The following UBE2J2 variants were observed in gnomAD, a reference collection of about 807,000 sequenced individuals.
The protein encoded by UBE2J2 is ubiquitin-conjugating enzyme E2 J2.
UBE2J2 carries 5 observed loss-of-function variants against 28.6 expected under a neutral mutation model. That is an observed-to-expected ratio of 0.17 (90% confidence interval 0.09 to 0.37). The LOEUF is 0.37. UBE2J2 is among the 10% of genes least tolerant of loss of function. UBE2J2 has a pLI of 1.00. For missense variants in UBE2J2, 226 were observed against 338.9 expected, an observed-to-expected ratio of 0.67 and a Z score of 2.62; for synonymous variants, 138 against 139.7, an observed-to-expected ratio of 0.99 and a Z score of 0.09.
intron 1 of UBE2J2, among the ~76,000 whole-genome samples, chr1:1,272,145 G>A (rs1160997802): frequency 4.0e-5 from 6 of 151,558 alleles, no homozygotes; most frequent in Non-Finnish European, 7.4e-5. Context: ...CAGAGACCCT[G>A]TATCAAAAAA....
Position 1,254,160 on chromosome 1 carries a change from G to C in UBE2J2, c.*1043C>G, listed in dbSNP as rs373973150. ...CAGGCGAAGTCACGGAACAGACGCA[G>C]AAGAGGGGAGACGGCCGAGACCCGG... On this transcript the variant is annotated 3_prime_UTR_variant, in exon 7 of 7. Transcript: ENST00000349431. 3.7e-4 allele frequency: 56 copies of C among 152,344 alleles called. 2 individuals carry two copies. Among genetic ancestry groups the C allele is most frequent in the African/African-American group, 1.3e-3 (55 of 41,582 alleles). The allele number at this position is 152,344 out of a possible 1,614,324, so 9.4% of individuals were successfully genotyped here. A position where few individuals can be genotyped will look rare whatever the true frequency, so the allele number is the denominator to read the frequency against.
intron 1 of UBE2J2, chr1:1,273,346 C>G (rs1640261353): frequency 6.6e-6 from 1 of 152,222 alleles, no homozygotes; most frequent in African/African-American, 2.4e-5. Flanking sequence ...AGCCCTCCCC[C>G]GACACAGACT....
At chr1:1,264,686 T>C (rs964718565) in intron 2 of UBE2J2, 4 of 152,236 alleles carry the variant, frequency 2.6e-5, no homozygotes, top group Admixed American at 6.5e-5. Flanking sequence ...GGCAGGTGGA[T>C]TGCCTGAGGT....
intron 3 of UBE2J2, among the ~76,000 whole-genome samples, chr1:1,259,785 C>T (rs1017373402): frequency 1.2e-4 from 19 of 152,270 alleles, no homozygotes; most frequent in Middle Eastern, 6.8e-3. Flanking sequence ...ACAGTCACAG[C>T]GTGGCCCCAC....
chr1:1,268,460 C>T lies in UBE2J2; in HGVS notation c.1-468G>A, dbSNP rs1193732513. 1.6e-4 allele frequency among the ~76,000 whole-genome samples: 24 copies of T among 152,174 alleles called. No homozygotes were observed. Among genetic ancestry groups the T allele is most frequent in the Admixed American group, 1.6e-3 (24 of 15,278 alleles). On this transcript the variant is annotated intron_variant, in intron 1 of 6. Coordinates refer to ENST00000349431, the MANE Select transcript of UBE2J2 (RefSeq NM_058167.3). This position sits in a 1 kb window ranked among gnomAD's most constrained non-coding sequence, Gnocchi z 4.7. ...CTTCACCGCACCCGGAAGCCCGCTG[C>T]CCAGCATTTACCACTAGCCACAAGC... is the stretch of plus-strand genomic sequence containing the variant.
chr1:1,256,961 C>CG (rs2101032080), intron 5 of UBE2J2, 31 bp downstream of exon 5: 1 of 1,448,428 alleles, frequency 6.9e-7, no homozygotes, highest in Admixed American at 2.5e-5. Context: ...ACAAGGCTGA[C>CG]GGCCCACCAG....
chr1:1,261,757 C>T (rs528826981), intron 3 of UBE2J2, among the ~76,000 whole-genome samples: 2 of 151,852 alleles, frequency 1.3e-5, no homozygotes, highest in South Asian at 4.2e-4. Context: ...AGCGATTCTC[C>T]TGCCTCAGCC....
intron 1 of UBE2J2, among the ~76,000 whole-genome samples, chr1:1,270,545 G>A (rs955946783): frequency 6.6e-6 from 1 of 152,072 alleles, no homozygotes; most frequent in Non-Finnish European, 1.5e-5. Flanking sequence ...TGCAATCCTT[G>A]TTCACCACAG....
At chr1:1,269,914 C>A (rs1183078006) in intron 1 of UBE2J2, among the ~76,000 whole-genome samples, 1 of 152,166 alleles carries the variant, frequency 6.6e-6, no homozygotes, top group Non-Finnish European at 1.5e-5. Flanking sequence ...TATGTCCCCA[C>A]CCAAATCTTA....
At chr1:1,258,063 AG>A (rs1267995879) in intron 3 of UBE2J2, among the ~76,000 whole-genome samples, 1 of 151,638 alleles carries the variant, frequency 6.6e-6, no homozygotes, top group African/African-American at 2.4e-5. Context: ...TTTTTGAGAC[AG>A]AATCTTGCTC....
rs1640283883 is a variant in UBE2J2, at chr1:1,273,650, C to G, written c.-1+16G>C. The stretch of plus-strand genomic sequence containing the variant: ...GCGGGCCCGAGGACCCGGCGCAGGC[C>G]TGCGAGCGCGCTCACCTCTCCCTGT... On this transcript the variant is annotated intron_variant, in intron 1 of 6. Coordinates refer to ENST00000349431, the MANE Select transcript of UBE2J2 (RefSeq NM_058167.3). 6.6e-6 allele frequency: 1 copy of G among 151,986 alleles called. No individual in the cohort carries two copies. The highest frequency in any genetic ancestry group is 2.4e-5 in the African/African-American group (1 of 41,372). The allele number at this position is 151,986 out of a possible 1,614,324, so 9.4% of individuals were successfully genotyped here.
At chr1:1,258,455 A>C (rs1346511114) in intron 3 of UBE2J2, among the ~76,000 whole-genome samples, 46 of 116,674 alleles carry the variant, frequency 3.9e-4, no homozygotes, top group African/African-American at 4.3e-4. Flanking sequence ...CCCTCTTCCC[A>C]CTCCAGCCAG....
intron 1 of UBE2J2, 65 bp downstream of exon 1, chr1:1,273,601 G>A (rs1379101047): frequency 6.6e-6 from 1 of 151,630 alleles, no homozygotes; most frequent in Non-Finnish European, 1.5e-5. Flanking sequence ...CCGCCGCTGT[G>A]GCCGGCTCCG....
At chr1:1,265,121 A>G (rs1175374976) in intron 2 of UBE2J2, among the ~76,000 whole-genome samples, 2 of 152,316 alleles carry the variant, frequency 1.3e-5, no homozygotes, top group East Asian at 1.9e-4. Flanking sequence ...TGAAGAAGTC[A>G]TCCTCTTCCT....
At chr1:1,269,407 G>A (rs1476192766) in intron 1 of UBE2J2, among the ~76,000 whole-genome samples, 1 of 152,214 alleles carries the variant, frequency 6.6e-6, no homozygotes, top group East Asian at 1.9e-4. Flanking sequence ...GGAGAGGGGT[G>A]GTGATGAAAA....
At chr1:1,266,613 A>T (rs1043446637) in intron 2 of UBE2J2, among the ~76,000 whole-genome samples, 1 of 152,032 alleles carries the variant, frequency 6.6e-6, no homozygotes, top group Admixed American at 6.5e-5. Context: ...CGAGGTCAGG[A>T]GATCAAGACC....
chr1:1,272,978 C>T (rs895312875), intron 1 of UBE2J2: 6 of 152,612 alleles, frequency 3.9e-5, no homozygotes, highest in African/African-American at 1.4e-4. Context: ...GGCTGAGGCC[C>T]GACCTTTCAG....
chr1:1,265,265 A>G (rs1639783805), intron 2 of UBE2J2, among the ~76,000 whole-genome samples: 1 of 152,212 alleles, frequency 6.6e-6, no homozygotes, highest in Admixed American at 6.5e-5. Flanking sequence ...AGGACCTGCC[A>G]GGGGCTCTCG....
At chr1:1,255,589 G>A in intron 6 of UBE2J2, 102 bp from the exon 7 acceptor site, 1 of 1,377,472 alleles carries the variant, frequency 7.3e-7, no homozygotes, top group South Asian at 1.4e-5. Flanking sequence ...CAAGAACCAA[G>A]CCCTAGGCTG....
Sources: gnomAD v4.1 joint callset for allele counts (sites outside exome capture counted in the v4.1 genomes callset) on GRCh38, gnomAD v4.1.1 for gene constraint, Gnocchi (gnomAD v3.1) non-coding constraint, MANE v1.5 for transcripts, NCBI Gene and HGNC (gene_info 2026-07-23, HGNC 2026-07-21) for gene names.